Variants in DPYD observed in about 807,000 individuals in gnomAD.
DPYD encodes dihydropyrimidine dehydrogenase [NADP(+)].
Under a neutral mutation model 116.2 loss-of-function variants are expected in DPYD, and 109 were observed. That is an observed-to-expected ratio of 0.94 (90% confidence interval 0.80 to 1.10). DPYD has a LOEUF of 1.10. DPYD is among the 50% of genes least tolerant of loss of function. The pLI is 0.00. For synonymous variants in DPYD, 440 were observed against 432.0 expected, an observed-to-expected ratio of 1.02 and a Z score of -0.23; for missense variants, 1,302 against 1,254.5, an observed-to-expected ratio of 1.04 and a Z score of -0.57.
At chr1:97,749,387 A>G (rs1664744704) in intron 3 of DPYD, among the ~76,000 whole-genome samples, 1 of 152,178 alleles carries the variant, frequency 6.6e-6, no homozygotes, top group Non-Finnish European at 1.5e-5. Context: ...CCATTTTTAC[A>G]TTTTGCACTG....
chr1:97,726,592 T>C (rs563728476), intron 4 of DPYD, among the ~76,000 whole-genome samples: 7 of 151,648 alleles, frequency 4.6e-5, no homozygotes, highest in Middle Eastern at 3.4e-3. Context: ...AATATTTGAC[T>C]GACTCCATGA....
intron 18 of DPYD, among the ~76,000 whole-genome samples, chr1:97,286,308 T>G (rs1395334854): frequency 6.6e-6 from 1 of 152,222 alleles, no homozygotes; most frequent in Non-Finnish European, 1.5e-5. Flanking sequence ...CTGATGGGCT[T>G]CCCTTTGTGG....
chr1:97,789,858 T>C (rs1667224212), intron 3 of DPYD, among the ~76,000 whole-genome samples: 2 of 152,234 alleles, frequency 1.3e-5, no homozygotes, highest in Non-Finnish European at 2.9e-5. Context: ...CAGCTAGTTA[T>C]TAGCATGCAG....
intron 8 of DPYD, among the ~76,000 whole-genome samples, chr1:97,671,280 T>TA (rs1428383078): frequency 6.6e-6 from 1 of 152,112 alleles, no homozygotes; most frequent in East Asian, 1.9e-4. Context: ...GCCATGATTT[T>TA]AAAAAACATT....
At chr1:97,254,325 G>A (rs1015905293) in intron 18 of DPYD, among the ~76,000 whole-genome samples, 7 of 152,034 alleles carry the variant, frequency 4.6e-5, no homozygotes, top group Admixed American at 4.6e-4. Flanking sequence ...CCTGCAACAA[G>A]TTGCTATTAA....
At chr1:97,697,040 T>C (rs1410244902) in intron 6 of DPYD, among the ~76,000 whole-genome samples, 1 of 152,144 alleles carries the variant, frequency 6.6e-6, no homozygotes, top group Non-Finnish European at 1.5e-5. Context: ...AATGTATATA[T>C]GTACAAACAT....
chr1:97,238,747 T>C (rs1273712427), intron 18 of DPYD, among the ~76,000 whole-genome samples: 6 of 152,188 alleles, frequency 3.9e-5, no homozygotes, highest in Middle Eastern at 3.2e-3. Flanking sequence ...AAAGAATGTG[T>C]ATGCGGGCTC....
intron 14 of DPYD, among the ~76,000 whole-genome samples, chr1:97,398,012 T>TA (rs1673111774): frequency 6.6e-6 from 1 of 151,964 alleles, no homozygotes; most frequent in Non-Finnish European, 1.5e-5. Context: ...TTGTTACATA[T>TA]GTATACATGT....
At chr1:97,897,044 T>A (rs1404633805) in intron 1 of DPYD, among the ~76,000 whole-genome samples, 1 of 151,922 alleles carries the variant, frequency 6.6e-6, no homozygotes, top group Non-Finnish European at 1.5e-5. Context: ...TATTGTTTCC[T>A]TTTGCCTGAA....
intron 3 of DPYD, among the ~76,000 whole-genome samples, chr1:97,775,991 T>C (rs561501361): frequency 1.3e-5 from 2 of 152,262 alleles, no homozygotes; most frequent in East Asian, 1.9e-4. Flanking sequence ...TATATATGTA[T>C]AGGCTACATG....
chr1:97,888,619 G>A (rs1420158630), intron 1 of DPYD, among the ~76,000 whole-genome samples: 1 of 150,342 alleles, frequency 6.7e-6, no homozygotes, highest in African/African-American at 2.4e-5. Flanking sequence ...AGAAAATCTT[G>A]AATGTAGCAA....
At chr1:97,390,472 A>G (rs1394323903) in intron 14 of DPYD, among the ~76,000 whole-genome samples, 1 of 152,072 alleles carries the variant, frequency 6.6e-6, no homozygotes. Context: ...TTTATGCCTT[A>G]GTTCAAATTT....
chr1:97,864,242 T>C (rs1486157153), intron 2 of DPYD, among the ~76,000 whole-genome samples: 1 of 151,772 alleles, frequency 6.6e-6, no homozygotes, highest in Non-Finnish European at 1.5e-5. Flanking sequence ...ATTGATTAAT[T>C]GAAAGAAAAA....
At chr1:97,782,096 A>G (rs1226472598) in intron 3 of DPYD, among the ~76,000 whole-genome samples, 1 of 152,212 alleles carries the variant, frequency 6.6e-6, no homozygotes, top group Non-Finnish European at 1.5e-5. Flanking sequence ...TAGGGACAGA[A>G]AGATAAATTT....
At chr1:97,188,599 G>T (rs1483626118) in intron 20 of DPYD, among the ~76,000 whole-genome samples, 1 of 152,128 alleles carries the variant, frequency 6.6e-6, no homozygotes, top group South Asian at 2.1e-4. Context: ...TAGGAACCAT[G>T]GGCTGTAATA....
At chr1:97,215,896 A>C (rs1660352575) in intron 19 of DPYD, among the ~76,000 whole-genome samples, 1 of 152,194 alleles carries the variant, frequency 6.6e-6, no homozygotes, top group African/African-American at 2.4e-5. Context: ...ACTCTCTTTC[A>C]ACAAAGGGTC....
chr1:97,874,546 T>TAA lies in DPYD; in HGVS notation c.150+8717_150+8718insTT, dbSNP rs200989236. Among the ~76,000 whole-genome samples, 1,272 of 152,004 alleles carry TAA rather than the reference T, an allele frequency of 8.4e-3. 12 individuals are homozygous for TAA. The highest frequency in any genetic ancestry group is 0.016 in the Admixed American group (237 of 15,236). On this transcript the variant is annotated intron_variant, in intron 2 of 22. Transcript: ENST00000370192. ...AAATTAATTTGGGACAGGAAAATAATATATTTGAGAATCCTTAAAAATGAT... is the reference window on the plus strand; with the variant it reads ...AAATTAATTTGGGACAGGAAAATAATAAATATTTGAGAATCCTTAAAAATGAT...
At chr1:97,562,171 T>C (rs1016583886) in intron 11 of DPYD, among the ~76,000 whole-genome samples, 1 of 152,192 alleles carries the variant, frequency 6.6e-6, no homozygotes. Context: ...GGCAGATTAG[T>C]AGGATGTCAA....
At chr1:97,557,225 T>A (rs1008193517) in intron 11 of DPYD, among the ~76,000 whole-genome samples, 1 of 152,006 alleles carries the variant, frequency 6.6e-6, no homozygotes, top group African/African-American at 2.4e-5. Flanking sequence ...CTTGTAAATT[T>A]GTTTGAGTTC....
Sources: gnomAD v4.1 joint callset for allele counts (sites outside exome capture counted in the v4.1 genomes callset) on GRCh38, gnomAD v4.1.1 for gene constraint, MANE v1.5 for transcripts, NCBI Gene and HGNC (gene_info 2026-07-23, HGNC 2026-07-21) for gene names.